Variants in SLC30A4 observed in about 807,000 individuals in gnomAD.
SLC30A4 encodes the protein probable proton-coupled zinc antiporter SLC30A4.
In SLC30A4, 20 loss-of-function variants were observed where a neutral mutation model predicts 41.7. The ratio of observed to expected loss-of-function variants is 0.48; its 90% CI spans 0.34 to 0.70. SLC30A4 has a LOEUF of 0.70. SLC30A4 is among the 30% of genes least tolerant of loss of function. SLC30A4 has a pLI of 0.01. For synonymous variants in SLC30A4, 181 were observed against 195.9 expected, an observed-to-expected ratio of 0.92 and a Z score of 0.64; for missense variants, 441 against 529.3, an observed-to-expected ratio of 0.83 and a Z score of 1.64.
At chr15:45,521,085 G>A (rs1203498485) in intron 2 of SLC30A4, 1 of 427,992 alleles carries the variant, frequency 2.3e-6, no homozygotes, top group Non-Finnish European at 4.7e-6. Context: ...CTTAAATCTG[G>A]ACTGCCACCT....
intron 4 of SLC30A4, among the ~76,000 whole-genome samples, chr15:45,490,025 T>A (rs1280205665): frequency 2.0e-5 from 3 of 152,162 alleles, no homozygotes; most frequent in Non-Finnish European, 4.4e-5. Flanking sequence ...CTATCTAGCC[T>A]TTTACAGAAA....
chr15:45,498,549 G>A (rs1248400107), intron 3 of SLC30A4, among the ~76,000 whole-genome samples: 1 of 151,928 alleles, frequency 6.6e-6, no homozygotes, highest in African/African-American at 2.4e-5. Flanking sequence ...TTTGTCTTTC[G>A]ATCTCCCCTT....
chr15:45,490,874 C>G lies in SLC30A4; in HGVS notation c.546G>C (p.Leu182Phe), dbSNP rs1891798047. Residue 182 changes from leucine (L) to phenylalanine (F), a missense_variant, in exon 4 of 8, where the codon TTG becomes TTC. By Grantham distance (22) the Leu-to-Phe change is conservative. Around this residue, in one of 3 missense-constraint regions of SLC30A4, gnomAD observed 312 missense variants for 341.9 expected, o/e 0.91. Transcript: ENST00000261867. ...CCAACAGCACACTAATCATAGCTGA[C>G]AAAACCTCTAGAGGGAAAAACACAT... ...FTFGFHRLEV[L>F]SAMISVLLVY... is the part of the protein sequence containing the mutation. The G allele has an allele frequency of 6.3e-7, 1 of 1,575,214 alleles. No individual in the cohort carries two copies. Among genetic ancestry groups the G allele is most frequent in the Non-Finnish European group, 8.6e-7 (1 of 1,160,468 alleles).
chr15:45,522,464 C>G lies in SLC30A4; in HGVS notation c.-110G>C. 9.5e-7 allele frequency: 1 copy of G among 1,053,018 alleles called. No individual in the cohort carries two copies. The highest frequency in any genetic ancestry group is 2.6e-5 in the East Asian group (1 of 39,188). 65.2% of individuals were successfully genotyped at this position (1,053,018 alleles called of 1,614,324 possible). A position where few individuals can be genotyped will look rare whatever the true frequency, so the allele number is the denominator to read the frequency against. On this transcript the variant is annotated 5_prime_UTR_variant, in exon 2 of 8. Transcript: ENST00000261867. The stretch of plus-strand genomic sequence containing the variant: ...CGAGGGCAGTGCCGCGCGTCCCTCC[C>G]CATCCTGTGGAAAACGAAACACGTT...
intron 3 of SLC30A4, among the ~76,000 whole-genome samples, chr15:45,509,217 G>A (rs1892224292): frequency 6.6e-6 from 1 of 151,100 alleles, no homozygotes; most frequent in Non-Finnish European, 1.5e-5. Flanking sequence ...AATATGTTGA[G>A]AAGCAGTGGA....
intron 2 of SLC30A4, among the ~76,000 whole-genome samples, chr15:45,520,334 A>G (rs1892626820): frequency 6.6e-6 from 1 of 151,946 alleles, no homozygotes; most frequent in African/African-American, 2.4e-5. Flanking sequence ...CAGTGGCGCA[A>G]TCTCGGCTCA....
chr15:45,510,825 A>G (rs1892271528), intron 3 of SLC30A4, among the ~76,000 whole-genome samples: 1 of 152,236 alleles, frequency 6.6e-6, no homozygotes, highest in Non-Finnish European at 1.5e-5. Context: ...AATGCTCATT[A>G]ACGGGTTAAA....
chr15:45,503,194 CTT>C (rs1422762119), intron 3 of SLC30A4, among the ~76,000 whole-genome samples: 6 of 152,012 alleles, frequency 3.9e-5, no homozygotes, highest in African/African-American at 1.4e-4. Flanking sequence ...ATTAAAAACT[CTT>C]TATTACAGAA....
intron 3 of SLC30A4, among the ~76,000 whole-genome samples, chr15:45,510,557 A>T (rs945452797): frequency 6.6e-6 from 1 of 152,266 alleles, no homozygotes; most frequent in Non-Finnish European, 1.5e-5. Context: ...TTTCAAAATA[A>T]GCAAAAAATT....
intron 4 of SLC30A4, among the ~76,000 whole-genome samples, 200 bp downstream of exon 4, chr15:45,490,528 G>A (rs568927660): frequency 1.3e-5 from 2 of 152,290 alleles, no homozygotes; most frequent in South Asian, 4.1e-4. Context: ...TTAAATTCAT[G>A]ATTTTGACTC....
At chr15:45,487,701 G>T in intron 5 of SLC30A4, 69 bp from the exon 6 acceptor site, 1 of 733,156 alleles carries the variant, frequency 1.4e-6, no homozygotes, top group Non-Finnish European at 2.4e-6. Context: ...AGCAAAGCAA[G>T]GAATATGTCC....
intron 3 of SLC30A4, among the ~76,000 whole-genome samples, chr15:45,495,796 ACCTG>A (rs1259902485): frequency 1.3e-5 from 2 of 152,222 alleles, no homozygotes; most frequent in Non-Finnish European, 2.9e-5. Context: ...AGATTCTAAT[ACCTG>A]CCTACGTTAA....
chr15:45,490,973 TTCCTC>T (rs1206172851), intron 3 of SLC30A4, 92 bp from the exon 4 acceptor site: 1 of 857,748 alleles, frequency 1.2e-6, no homozygotes, highest in Non-Finnish European at 1.7e-6. Flanking sequence ...TTTATATTCT[TTCCTC>T]TAAGGAGATA....
At chr15:45,507,050 G>A (rs980476612) in intron 3 of SLC30A4, among the ~76,000 whole-genome samples, 3 of 152,056 alleles carry the variant, frequency 2.0e-5, no homozygotes, top group African/African-American at 4.8e-5. Context: ...GGCTGGGGGC[G>A]GTGGCTCATG....
chr15:45,500,677 ATTTTTATT>A (rs1892009723), intron 3 of SLC30A4, among the ~76,000 whole-genome samples: 2 of 150,526 alleles, frequency 1.3e-5, no homozygotes, highest in Non-Finnish European at 3.0e-5. Context: ...TTTTTGTTTT[ATTTTTATT>A]TTTTTATTTT....
At chr15:45,517,934 C>T (rs1379643342) in intron 2 of SLC30A4, among the ~76,000 whole-genome samples, 5 of 152,102 alleles carry the variant, frequency 3.3e-5, no homozygotes, top group African/African-American at 9.7e-5. Flanking sequence ...GGCGAAAGAG[C>T]GAGACTCCGT....
At chr15:45,512,490 G>C (rs1366431542) in intron 2 of SLC30A4, 2 of 152,216 alleles carry the variant, frequency 1.3e-5, no homozygotes, top group Admixed American at 1.3e-4. Context: ...TTCCTGAGCT[G>C]GGTGTGTAGA....
At chr15:45,494,421 A>G (rs1237853633) in intron 3 of SLC30A4, among the ~76,000 whole-genome samples, 7 of 152,234 alleles carry the variant, frequency 4.6e-5, no homozygotes, top group African/African-American at 1.7e-4. Context: ...GCGGTAGCTC[A>G]TACCTGTAAT....
At chr15:45,494,169 A>G (rs1891863293) in intron 3 of SLC30A4, among the ~76,000 whole-genome samples, 1 of 152,186 alleles carries the variant, frequency 6.6e-6, no homozygotes, top group Admixed American at 6.5e-5. Flanking sequence ...ATATTTATGG[A>G]TGATTTTTTA....
Sources: gnomAD v4.1 joint callset for allele counts (sites outside exome capture counted in the v4.1 genomes callset) on GRCh38, gnomAD v4.1.1 for gene constraint, gnomAD v4.1.1 regional missense constraint, MANE v1.5 for transcripts, NCBI Gene and HGNC (gene_info 2026-07-23, HGNC 2026-07-21) for gene names.